The following CFAP58 variants were observed in gnomAD, a reference collection of about 807,000 sequenced individuals.
CFAP58 encodes cilia and flagella associated protein 58.
A neutral mutation model predicts 119.5 loss-of-function variants in CFAP58; 88 were observed. That is an observed-to-expected ratio of 0.74 (90% CI 0.62 to 0.88). The LOEUF is 0.88. Ranked by LOEUF, CFAP58 falls within the 40% of genes least tolerant of loss-of-function variation. The pLI, the probability that CFAP58 is intolerant of heterozygous loss-of-function variation, is 0.00. For missense variants in CFAP58, 990 were observed against 1,021.2 expected (o/e 0.97, Z 0.42); for synonymous variants, 365 against 366.3 (o/e 1.00, Z 0.04).
At chr10:104,367,850 C>A (rs1460937213) in intron 5 of CFAP58, among the ~76,000 whole-genome samples, 4 of 152,134 alleles carry the variant, frequency 2.6e-5, no homozygotes, top group Non-Finnish European at 5.9e-5. Flanking sequence ...ATAGTCAAGG[C>A]AGGGAAGAGG....
intron 15 of CFAP58, among the ~76,000 whole-genome samples, chr10:104,425,088 C>A (rs539384062): frequency 3.9e-5 from 6 of 152,282 alleles, no homozygotes; most frequent in Non-Finnish European, 8.8e-5. Flanking sequence ...TTGCTGTGCT[C>A]ATCAGATGAG....
At chr10:104,452,020 T>C (rs1589941538) in intron 17 of CFAP58, among the ~76,000 whole-genome samples, 1 of 152,144 alleles carries the variant, frequency 6.6e-6, no homozygotes, top group East Asian at 1.9e-4. Flanking sequence ...ATTACAGGCA[T>C]GAGCCACTGT....
chr10:104,379,128 C>A (rs1452957017), intron 8 of CFAP58, among the ~76,000 whole-genome samples: 3 of 151,790 alleles, frequency 2.0e-5, no homozygotes, highest in Non-Finnish European at 4.4e-5. Context: ...ACAATCTCGT[C>A]CCCCCAGAAG....
intron 2 of CFAP58, 96 bp downstream of exon 2, chr10:104,358,718 G>C: frequency 2.7e-6 from 3 of 1,130,274 alleles, no homozygotes; most frequent in Non-Finnish European, 3.7e-6. Flanking sequence ...GAGTTATTAG[G>C]TAAAAATTTA....
At position 104,366,194 on chromosome 10, in the gene CFAP58, C is replaced by G. The variant is rs762826629; in HGVS notation, c.792+186C>G. On this transcript the variant is annotated intron_variant, in intron 5 of 17. Transcript: ENST00000369704. ...GCTCTTATGAGGTAGTTATGCCCCC[C>G]CTTTTAAATTTCCCAGCTCTAACAG... is the stretch of plus-strand genomic sequence containing the variant. Among the ~76,000 whole-genome samples, 7 of 152,260 alleles carry G rather than the reference C, an allele frequency of 4.6e-5. No individual in the cohort carries two copies. In the South Asian group the frequency reaches 1.0e-3, roughly 23 times the overall value.
At chr10:104,396,436 G>C (rs201880180) in intron 11 of CFAP58, among the ~76,000 whole-genome samples, 1 of 118,544 alleles carries the variant, frequency 8.4e-6, no homozygotes, top group Non-Finnish European at 1.7e-5. Flanking sequence ...GAGAGAGAGA[G>C]AGAAAGAGAG....
chr10:104,441,770 G>A (rs920168689), intron 15 of CFAP58, among the ~76,000 whole-genome samples: 2 of 152,186 alleles, frequency 1.3e-5, no homozygotes, highest in African/African-American at 2.4e-5. Flanking sequence ...CTGCTCGTAA[G>A]GAACTCGGCT....
At position 104,454,791 on chromosome 10, in the gene CFAP58, A is replaced by G. The variant is rs767084197; in HGVS notation, c.*261A>G. On this transcript the variant is annotated 3_prime_UTR_variant, in exon 18 of 18. Transcript: ENST00000369704. ...CAAATCTTTTGTTGCTACCCCATTG[A>G]TTGAAATGTACTAGACCTTAATTTC... 5.4e-5 allele frequency: 22 copies of G among 409,894 alleles called. No homozygotes were observed. The highest frequency in any genetic ancestry group is 1.0e-4 in the African/African-American group (5 of 49,574). 25.4% of individuals were successfully genotyped at this position (409,894 alleles called of 1,614,324 possible).
At chr10:104,392,944 T>G (rs1439038307) in intron 10 of CFAP58, among the ~76,000 whole-genome samples, 1 of 152,164 alleles carries the variant, frequency 6.6e-6, no homozygotes, top group Non-Finnish European at 1.5e-5. Context: ...CCCAGCTCTC[T>G]TTCTAATTTT....
At chr10:104,442,621 T>G (rs1385916744) in intron 15 of CFAP58, among the ~76,000 whole-genome samples, 1 of 152,090 alleles carries the variant, frequency 6.6e-6, no homozygotes, top group East Asian at 1.9e-4. Context: ...GCTTACATTT[T>G]TATATTTATG....
At chr10:104,370,460 T>G (rs900454724) in intron 6 of CFAP58, among the ~76,000 whole-genome samples, 4 of 152,160 alleles carry the variant, frequency 2.6e-5, no homozygotes, top group African/African-American at 9.7e-5. Context: ...AGAGAACTTG[T>G]GTAGGGGAAC....
At position 104,450,200 on chromosome 10, in the gene CFAP58, CA is replaced by C. The variant is rs1201462023; in HGVS notation, c.2510del (p.Asn838ThrfsTer12). 1.2e-6 allele frequency: 2 copies of C among 1,611,652 alleles called. No individual in the cohort carries two copies. The highest frequency in any genetic ancestry group is 1.7e-6 in the Non-Finnish European group (2 of 1,179,514). On this transcript the variant is annotated frameshift_variant, in exon 17 of 18. Coordinates refer to ENST00000369704, the MANE Select transcript of CFAP58 (RefSeq NM_001008723.2). LOFTEE classifies it high-confidence loss of function. Reference sequence around the variant, plus strand: ...CGCTCAGAAACGTAAAGAACAACTTCAAAAGTAAGAATTAGTCAAACGTCCT... The same window carrying C: ...CGCTCAGAAACGTAAAGAACAACTTCAAAGTAAGAATTAGTCAAACGTCCT... The part of the protein sequence containing the change: ...YLAQKRKEQL[Q>X]KNKDTAPMDN...
upstream of CFAP58, among the ~76,000 whole-genome samples, chr10:104,349,415 T>C (rs1369103878): frequency 2.0e-5 from 3 of 152,216 alleles, no homozygotes; most frequent in African/African-American, 7.2e-5. Flanking sequence ...CTGTCATTCC[T>C]CTCTGTGCAC....
chr10:104,350,182 C>T (rs1007081355), upstream of CFAP58, among the ~76,000 whole-genome samples: 3 of 152,314 alleles, frequency 2.0e-5, no homozygotes, highest in East Asian at 3.9e-4. Context: ...TCTCTCTCCA[C>T]AGTATGCAAC....
rs77302962 is a variant in CFAP58, at chr10:104,447,528, A to C, written c.2257-170A>C. ...ATGTTGGGGACATTCCCAGCCCTTC[A>C]TAAGGATTGTTTCAATGCATGACTG... On this transcript the variant is annotated intron_variant, in intron 15 of 17. Transcript: ENST00000369704. 2.6e-3 allele frequency among the ~76,000 whole-genome samples: 391 copies of C among 152,220 alleles called. 2 individuals carry two copies. Among genetic ancestry groups the C allele is most frequent in the African/African-American group, 9.1e-3 (378 of 41,524 alleles).
rs78762754 is a variant in CFAP58 at position 104,425,665 on chromosome 10, C to T, written c.2256+18872C>T. Among the ~76,000 whole-genome samples the T allele has an allele frequency of 6.3e-3, 957 of 152,248 alleles. 12 individuals carry two copies. Among genetic ancestry groups the T allele is most frequent in the African/African-American group, 0.021 (867 of 41,552 alleles). ...ACATGGCTAAGGTCACATAGTATCC[C>T]GTGGCAGAGTCGGGGCCCAAACCCG... On this transcript the variant is annotated intron_variant, in intron 15 of 17. Coordinates refer to ENST00000369704, the MANE Select transcript of CFAP58 (RefSeq NM_001008723.2).
chr10:104,402,684 A>G (rs113099183), intron 13 of CFAP58, among the ~76,000 whole-genome samples: 232 of 152,306 alleles, frequency 1.5e-3, no homozygotes, highest in Non-Finnish European at 2.8e-3. Flanking sequence ...CTAGTTATTC[A>G]GGACTTTTTT....
At chr10:104,403,895 C>T (rs889593032) in intron 14 of CFAP58, 55 bp downstream of exon 14, 27 of 1,129,560 alleles carry the variant, frequency 2.4e-5, no homozygotes, top group East Asian at 5.1e-5. Flanking sequence ...CTATCCCACG[C>T]GAAGCTTCTA....
chr10:104,358,475 T>C lies in CFAP58; in HGVS notation c.144T>C (p.Ala48=). 1 of 1,614,112 alleles carries C rather than the reference T, an allele frequency of 6.2e-7. No homozygotes were observed. Among genetic ancestry groups the C allele is most frequent in the Non-Finnish European group, 8.5e-7 (1 of 1,180,020 alleles). The change falls in exon 2 of 18, where the codon GCT becomes GCC. Residue 48 remains alanine, a synonymous_variant. Coordinates refer to ENST00000369704, the MANE Select transcript of CFAP58 (RefSeq NM_001008723.2). ...KFRIEYERLH[A]VMKKSYDNEK... ...GGATTGAATATGAGAGGCTTCATGCTGTCATGAAAAAGTCTTATGACAATG... is the reference window on the plus strand; with the variant it reads ...GGATTGAATATGAGAGGCTTCATGCCGTCATGAAAAAGTCTTATGACAATG...
Sources: allele counts gnomAD v4.1 joint callset (sites outside exome capture counted in the v4.1 genomes callset), GRCh38; gene constraint gnomAD v4.1.1; transcripts MANE v1.5; gene names NCBI Gene and HGNC (gene_info 2026-07-23, HGNC 2026-07-21).